The following RAD52 variants were observed in gnomAD, a reference collection of about 807,000 sequenced individuals.
RAD52 encodes DNA repair protein RAD52 homolog.
Under a neutral mutation model 55.5 loss-of-function variants are expected in RAD52, and 47 were observed. The observed-to-expected ratio is 0.85, with a 90% confidence interval of 0.67 to 1.08. RAD52 has a LOEUF of 1.08. Among genes scored for constraint, RAD52 ranks in the 50% least tolerant of loss-of-function variants. The pLI is 0.00. For missense variants in RAD52, 468 were observed against 522.8 expected, an observed-to-expected ratio of 0.90 and a Z score of 1.02; for synonymous variants, 184 against 198.9, an observed-to-expected ratio of 0.92 and a Z score of 0.63.
intron 1 of RAD52, among the ~76,000 whole-genome samples, chr12:970,294 G>A (rs1459127785): frequency 7.6e-6 from 1 of 132,192 alleles, no homozygotes; most frequent in African/African-American, 2.8e-5. Context: ...ACTCCAGCCT[G>A]GGCAACAGAA....
intron 5 of RAD52, 68 bp downstream of exon 5, chr12:929,751 C>T: frequency 2.0e-6 from 3 of 1,472,550 alleles, no homozygotes; most frequent in Non-Finnish European, 1.9e-6. Flanking sequence ...TACCTACTTC[C>T]CTACCTGCTC....
intron 9 of RAD52, among the ~76,000 whole-genome samples, chr12:914,906 C>T (rs1956274510): frequency 6.6e-6 from 1 of 152,178 alleles, no homozygotes; most frequent in African/African-American, 2.4e-5. Flanking sequence ...ACCTGTAACC[C>T]CAGCACTTTG....
At chr12:990,629 G>A (rs973865136), upstream of RAD52, 2 of 152,264 alleles carry the variant, frequency 1.3e-5, no homozygotes, top group African/African-American at 4.8e-5. Context: ...GCGAGTCTCA[G>A]GTCAGAAGAC....
At chr12:951,894 G>A (rs181342741), upstream of RAD52, among the ~76,000 whole-genome samples, 1 of 151,792 alleles carries the variant, frequency 6.6e-6, no homozygotes, top group Admixed American at 6.6e-5. Flanking sequence ...TAATTTTTGG[G>A]GTAAATGTAT....
intron 1 of RAD52, among the ~76,000 whole-genome samples, chr12:978,890 G>GTAGA (rs55957803): frequency 0.58 from 86,768 of 149,364 alleles, 27,159 homozygotes; most frequent in Non-Finnish European, 0.7. Context: ...TAGATGATAG[G>GTAGA]TAGATAGATA....
At chr12:914,659 G>A (rs1177595925) in intron 9 of RAD52, 127 bp from the exon 10 acceptor site, 6 of 1,098,032 alleles carry the variant, frequency 5.5e-6, no homozygotes, top group South Asian at 1.5e-5. Flanking sequence ...TTAGGGCTGC[G>A]CTGCTTCTGC....
At chr12:970,899 T>G (rs927498864) in intron 1 of RAD52, among the ~76,000 whole-genome samples, 1 of 149,330 alleles carries the variant, frequency 6.7e-6, no homozygotes, top group African/African-American at 2.6e-5. Context: ...ACATATATTT[T>G]GAACCAAATA....
intron 5 of RAD52, among the ~76,000 whole-genome samples, chr12:928,341 G>A (rs1957151311): frequency 1.3e-5 from 2 of 152,046 alleles, no homozygotes; most frequent in Admixed American, 6.6e-5. Flanking sequence ...GAGAAACCGC[G>A]TCTCTACTGA....
chr12:937,961 A>G (rs914846832), intron 1 of RAD52, among the ~76,000 whole-genome samples: 3 of 152,142 alleles, frequency 2.0e-5, no homozygotes, highest in Non-Finnish European at 2.9e-5. Flanking sequence ...TCACCAAGCC[A>G]TGAGCTTCTC....
chr12:987,954 G>A (rs1207751857), intron 1 of RAD52, among the ~76,000 whole-genome samples: 2 of 152,102 alleles, frequency 1.3e-5, no homozygotes, highest in African/African-American at 4.8e-5. Context: ...ACAGGCGCGA[G>A]CCACTGCACC....
intron 1 of RAD52, among the ~76,000 whole-genome samples, chr12:964,703 C>T (rs1384409623): frequency 3.9e-5 from 6 of 151,950 alleles, no homozygotes; most frequent in Non-Finnish European, 7.4e-5. Context: ...CTCAGCTTCC[C>T]AAAAAGCTGG....
chr12:928,020 C>T (rs183420885), intron 5 of RAD52, among the ~76,000 whole-genome samples: 16 of 152,278 alleles, frequency 1.1e-4, no homozygotes, highest in African/African-American at 3.1e-4. Flanking sequence ...GCACATCATT[C>T]GCTGATTGAG....
At chr12:982,254 ATC>A (rs1565715951) in intron 1 of RAD52, among the ~76,000 whole-genome samples, 2 of 152,206 alleles carry the variant, frequency 1.3e-5, no homozygotes, top group Admixed American at 6.5e-5. Context: ...GTATAATCTC[ATC>A]TCTCTTCCTG....
chr12:914,327 A>G, intron 10 of RAD52, 104 bp downstream of exon 10: 2 of 1,513,626 alleles, frequency 1.3e-6, no homozygotes, highest in Non-Finnish European at 1.8e-6. Context: ...GAACCCCCTC[A>G]ACAAAACCAC....
intron 3 of RAD52, 129 bp downstream of exon 3, chr12:931,091 G>C: frequency 1.5e-6 from 1 of 661,016 alleles, no homozygotes; most frequent in Admixed American, 2.9e-5. Context: ...CCTCCCAGGG[G>C]CACTGGGAGA....
chr12:983,069 C>T (rs550651824), intron 1 of RAD52, among the ~76,000 whole-genome samples: 65 of 151,026 alleles, frequency 4.3e-4, no homozygotes, highest in African/African-American at 1.5e-3. Flanking sequence ...AGGCTGGTCT[C>T]GAACTCTTGA....
In RAD52 at chr12:925,400, A is replaced by C. The variant is rs771344880; in HGVS notation, c.543+50T>G. On this transcript the variant is annotated intron_variant, in intron 7 of 11. Coordinates refer to ENST00000358495, the MANE Select transcript of RAD52 (RefSeq NM_134424.4). ...CCTCCAAATACTCAACCCATGACACACAAGAGTTTGCCGCATTATCTTCAC... is the reference window on the plus strand; with the variant it reads ...CCTCCAAATACTCAACCCATGACACCCAAGAGTTTGCCGCATTATCTTCAC... 3.1e-4 allele frequency: 453 copies of C among 1,479,580 alleles called. 3 individuals carry two copies. The highest frequency in any genetic ancestry group is 8.6e-4 in the Middle Eastern group (5 of 5,826). The allele number at this position is 1,479,580 out of a possible 1,614,324, so 91.7% of individuals were successfully genotyped here.
At chr12:942,450 A>G (rs1001958349) in intron 1 of RAD52, among the ~76,000 whole-genome samples, 1 of 152,108 alleles carries the variant, frequency 6.6e-6, no homozygotes, top group African/African-American at 2.4e-5. Flanking sequence ...CATAAAACTA[A>G]AACTATAAAA....
chr12:985,239 C>A (rs368209890), intron 1 of RAD52, among the ~76,000 whole-genome samples: 23 of 152,176 alleles, frequency 1.5e-4, no homozygotes, highest in African/African-American at 4.8e-4. Context: ...CTCCTGGGTT[C>A]GAGGAATCCT....
Sources: allele counts gnomAD v4.1 joint callset (sites outside exome capture counted in the v4.1 genomes callset), GRCh38; gene constraint gnomAD v4.1.1; transcripts MANE v1.5; gene names NCBI Gene and HGNC (gene_info 2026-07-23, HGNC 2026-07-21).